The following NELL1 variants were observed in gnomAD, a reference collection of about 807,000 sequenced individuals.
NELL1 encodes protein kinase C-binding protein NELL1.
In NELL1, 76 loss-of-function variants were observed where a neutral mutation model predicts 107.4. The observed-to-expected ratio is 0.71, with a 90% CI of 0.59 to 0.86. The LOEUF (loss-of-function observed/expected upper bound fraction) is 0.86, where lower values mean the gene tolerates loss of function less well. Ranked by LOEUF, NELL1 falls within the 40% of genes least tolerant of loss-of-function variation. The pLI is 0.00. For missense variants in NELL1, 1,024 were observed against 1,005.5 expected, an observed-to-expected ratio of 1.02 and a Z score of -0.25; for synonymous variants, 353 against 341.2, an observed-to-expected ratio of 1.03 and a Z score of -0.38.
At chr11:20,940,079 TCTTTA>T in intron 10 of NELL1, among the ~76,000 whole-genome samples, 1 of 152,224 alleles carries the variant, frequency 6.6e-6, no homozygotes, top group South Asian at 2.1e-4. Context: ...AAAGATGGCT[TCTTTA>T]CTTTTCTGTC....
At chr11:21,056,099 A>C (rs1853608846) in intron 12 of NELL1, among the ~76,000 whole-genome samples, 1 of 152,200 alleles carries the variant, frequency 6.6e-6, no homozygotes, top group Non-Finnish European at 1.5e-5. Flanking sequence ...ATTTGAGGAT[A>C]GAAAAGCTGA....
intron 5 of NELL1, among the ~76,000 whole-genome samples, chr11:20,899,232 A>G (rs1352409881): frequency 6.6e-6 from 1 of 152,120 alleles, no homozygotes. Context: ...TAACTACATA[A>G]AAGTCCATAA....
At chr11:20,927,654 C>T (rs1850529379) in intron 8 of NELL1, among the ~76,000 whole-genome samples, 1 of 152,152 alleles carries the variant, frequency 6.6e-6, no homozygotes, top group African/African-American at 2.4e-5. Context: ...TCTGCTTTCC[C>T]TTGCCAACAC....
intron 2 of NELL1, among the ~76,000 whole-genome samples, chr11:20,773,794 G>T (rs1856687913): frequency 6.6e-6 from 1 of 151,888 alleles, no homozygotes; most frequent in East Asian, 1.9e-4. Flanking sequence ...CACCACGCCC[G>T]GCTTGAAACT....
At chr11:21,388,984 G>A (rs1851808356) in intron 15 of NELL1, among the ~76,000 whole-genome samples, 1 of 151,604 alleles carries the variant, frequency 6.6e-6, no homozygotes, top group Non-Finnish European at 1.5e-5. Context: ...AGTCAAGTAA[G>A]TACATTCCAA....
At chr11:20,736,902 G>A (rs986349125) in intron 2 of NELL1, among the ~76,000 whole-genome samples, 3 of 151,814 alleles carry the variant, frequency 2.0e-5, no homozygotes, top group Non-Finnish European at 4.4e-5. Flanking sequence ...TTACAGGCAT[G>A]TGCCACCATG....
At chr11:21,463,351 C>T (rs569664017) in intron 15 of NELL1, among the ~76,000 whole-genome samples, 4 of 152,148 alleles carry the variant, frequency 2.6e-5, no homozygotes, top group African/African-American at 9.6e-5. Context: ...TAATATTCGA[C>T]CATATTGAAC....
intron 4 of NELL1, among the ~76,000 whole-genome samples, chr11:20,879,372 A>G (rs1034658127): frequency 5.9e-5 from 9 of 152,188 alleles, no homozygotes; most frequent in African/African-American, 2.2e-4. Flanking sequence ...GAAAGAATGT[A>G]TAATGTAAGG....
intron 15 of NELL1, among the ~76,000 whole-genome samples, chr11:21,386,080 A>C (rs1851738167): frequency 6.6e-6 from 1 of 151,808 alleles, no homozygotes; most frequent in South Asian, 2.1e-4. Flanking sequence ...ATTACATTTA[A>C]TTTCATGTTT....
intron 14 of NELL1, among the ~76,000 whole-genome samples, chr11:21,311,487 A>ATAATT (rs1849748226): frequency 6.6e-6 from 1 of 152,182 alleles, no homozygotes; most frequent in Non-Finnish European, 1.5e-5. Context: ...AATCAAATAC[A>ATAATT]TAATTTTTAT....
rs1857918127 is a variant in NELL1 at position 20,827,853 on chromosome 11, G to A, written c.336-19730G>A. ...ATATTCTCTGTGGGGGAGTGATGAG[G>A]TTGTGCAAAACTGTTTAAGTGACTT... On this transcript the variant is annotated intron_variant, in intron 3 of 19. Coordinates refer to ENST00000357134, the MANE Select transcript of NELL1 (RefSeq NM_006157.5). Among the ~76,000 whole-genome samples the A allele has an allele frequency of 4.6e-5, 7 of 151,196 alleles. 1 individual carries two copies. The highest frequency in any genetic ancestry group is 4.0e-4 in the Admixed American group (6 of 15,034).
intron 15 of NELL1, among the ~76,000 whole-genome samples, chr11:21,464,952 A>C (rs1372884915): frequency 6.6e-6 from 1 of 152,118 alleles, no homozygotes; most frequent in Non-Finnish European, 1.5e-5. Flanking sequence ...AGCAGATAAT[A>C]CTTAGAAAGC....
At chr11:21,326,050 T>G (rs1314713832) in intron 14 of NELL1, among the ~76,000 whole-genome samples, 3 of 44,792 alleles carry the variant, frequency 6.7e-5, no homozygotes, top group Admixed American at 3.1e-4. Flanking sequence ...TTAATCCTAG[T>G]TTTTTTTTTT....
At chr11:21,451,404 G>A (rs1056791025) in intron 15 of NELL1, among the ~76,000 whole-genome samples, 7 of 151,992 alleles carry the variant, frequency 4.6e-5, no homozygotes, top group Non-Finnish European at 8.8e-5. Flanking sequence ...ACTATTAAGT[G>A]TTAGATTTAG....
At chr11:21,548,088 G>T (rs560965088) in intron 16 of NELL1, among the ~76,000 whole-genome samples, 119 of 151,934 alleles carry the variant, frequency 7.8e-4, no homozygotes, top group African/African-American at 2.6e-3. Flanking sequence ...GCTTCTCTTT[G>T]AGGAAGAGAC....
intron 2 of NELL1, among the ~76,000 whole-genome samples, chr11:20,741,641 G>C (rs902989505): frequency 6.6e-6 from 1 of 152,090 alleles, no homozygotes; most frequent in Non-Finnish European, 1.5e-5. Context: ...TCCTTAAAGA[G>C]GGATTGCTAG....
At position 20,692,154 on chromosome 11, in the gene NELL1, G is replaced by A. The variant is rs559914052; in HGVS notation, c.184+14094G>A. Among the ~76,000 whole-genome samples, 1,224 of 150,912 alleles carry A rather than the reference G, an allele frequency of 8.1e-3. 11 individuals carry two copies. Among genetic ancestry groups the A allele is most frequent in the African/African-American group, 0.028 (1,158 of 41,172 alleles). On this transcript the variant is annotated intron_variant, in intron 2 of 19. Coordinates refer to ENST00000357134, the MANE Select transcript of NELL1 (RefSeq NM_006157.5). ...TATCCCCTTTATCATTTTTTATTGT[G>A]TCTATTTGATTCTTCTCTCTTTTTT...
rs184461720 is a variant in NELL1, at chr11:20,797,369, C to G, written c.335+13539C>G. 2.1e-4 allele frequency among the ~76,000 whole-genome samples: 32 copies of G among 151,592 alleles called. No individual in the cohort carries two copies. The East Asian group carries it at 5.7e-3, about 27-fold the overall frequency. ...CACGAAGTCAGGAGATCGAGACCAT[C>G]CTGGCTAACACGGTGAAATCCAGTC... On this transcript the variant is annotated intron_variant, in intron 3 of 19. Transcript: ENST00000357134.
chr11:21,337,580 C>T (rs532741575), intron 14 of NELL1, among the ~76,000 whole-genome samples: 8 of 152,342 alleles, frequency 5.3e-5, no homozygotes, highest in Non-Finnish European at 8.8e-5. Flanking sequence ...GAATTAGTCA[C>T]ATGGCCCAGG....
Sources: allele counts gnomAD v4.1 joint callset (sites outside exome capture counted in the v4.1 genomes callset), GRCh38; gene constraint gnomAD v4.1.1; transcripts MANE v1.5; gene names NCBI Gene and HGNC (gene_info 2026-07-23, HGNC 2026-07-21).